Variants in ADAMTS12 observed in about 807,000 individuals in gnomAD.
ADAMTS12 encodes A disintegrin and metalloproteinase with thrombospondin motifs 12.
ADAMTS12 carries 118 observed loss-of-function variants against 167.8 expected under a neutral mutation model. The observed-to-expected ratio is 0.70, with a 90% CI of 0.61 to 0.82. The LOEUF (loss-of-function observed/expected upper bound fraction) is 0.82. Among genes scored for constraint, ADAMTS12 ranks in the 40% least tolerant of loss-of-function variants. ADAMTS12 has a pLI of 0.00. For missense variants in ADAMTS12, 1,916 were observed against 1,998.8 expected (o/e 0.96, Z 0.79); for synonymous variants, 704 against 716.9 (o/e 0.98, Z 0.29).
intron 20 of ADAMTS12, among the ~76,000 whole-genome samples, chr5:33,553,181 G>T (rs1470598614): frequency 6.6e-6 from 1 of 152,206 alleles, no homozygotes. Context: ...TTTCACATCT[G>T]TCAGAGTGGC....
At chr5:33,737,628 C>T (rs1646242542) in intron 3 of ADAMTS12, among the ~76,000 whole-genome samples, 2 of 152,162 alleles carry the variant, frequency 1.3e-5, no homozygotes, top group South Asian at 4.1e-4. Context: ...TTCTATGCTT[C>T]CAAATACCTG....
intron 17 of ADAMTS12, among the ~76,000 whole-genome samples, chr5:33,593,536 A>C (rs1747750766): frequency 6.6e-6 from 1 of 152,216 alleles, no homozygotes; most frequent in Admixed American, 6.5e-5. Context: ...ACAGCTTGGA[A>C]AATAGTGCAT....
Position 33,570,967 on chromosome 5 carries a change from T to C in ADAMTS12, c.3972+5087A>G, listed in dbSNP as rs1579682525. 2.0e-5 allele frequency among the ~76,000 whole-genome samples: 3 copies of C among 151,286 alleles called. No individual in the cohort carries two copies. The East Asian group carries it at 5.8e-4, about 29-fold the overall frequency. Reference sequence around the variant, plus strand: ...AATCCTAGTCTCTGATAAAACAGACTTTAAACCAACAAAGATCAAAAGAGA... The same window carrying C: ...AATCCTAGTCTCTGATAAAACAGACCTTAAACCAACAAAGATCAAAAGAGA... On this transcript the variant is annotated intron_variant, in intron 19 of 23. Transcript: ENST00000504830.
At chr5:33,543,985 G>C (rs548895745) in intron 22 of ADAMTS12, among the ~76,000 whole-genome samples, 9 of 152,156 alleles carry the variant, frequency 5.9e-5, no homozygotes, top group East Asian at 5.8e-4. Flanking sequence ...CACTCCTATT[G>C]AACATAGTTT....
chr5:33,525,446 A>G lies in ADAMTS12; in HGVS notation c.*1742T>C, dbSNP rs1215270018. 6.6e-6 allele frequency: 1 copy of G among 152,222 alleles called. No homozygotes were observed. Among genetic ancestry groups the G allele is most frequent in the Non-Finnish European group, 1.5e-5 (1 of 68,048 alleles). The allele number at this position is 152,222 out of a possible 1,614,324, so 9.4% of individuals were successfully genotyped here. On this transcript the variant is annotated 3_prime_UTR_variant, in exon 24 of 24. Coordinates refer to ENST00000504830, the MANE Select transcript of ADAMTS12 (RefSeq NM_030955.4). ...ACGTTAATGGCTTGGAAAAAAATAA[A>G]AAGCACATAATATTAAATCTTAAAT... is the stretch of plus-strand genomic sequence containing the variant.
chr5:33,847,851 G>A (rs576931238), intron 2 of ADAMTS12, among the ~76,000 whole-genome samples: 1 of 152,232 alleles, frequency 6.6e-6, no homozygotes, highest in Admixed American at 6.5e-5. Flanking sequence ...TGAGGTAGAA[G>A]ACTGTATTCA....
chr5:33,884,115 G>A (rs1750556030), intron 1 of ADAMTS12, among the ~76,000 whole-genome samples: 1 of 152,178 alleles, frequency 6.6e-6, no homozygotes, highest in African/African-American at 2.4e-5. Flanking sequence ...GTGTCCACAT[G>A]CTGACTGGCG....
At chr5:33,567,508 A>C (rs545668591) in intron 19 of ADAMTS12, among the ~76,000 whole-genome samples, 1 of 152,290 alleles carries the variant, frequency 6.6e-6, no homozygotes, top group South Asian at 2.1e-4. Flanking sequence ...TACTGTTTGA[A>C]AGGTACTGGC....
chr5:33,592,841 C>T (rs1192180543), intron 17 of ADAMTS12, among the ~76,000 whole-genome samples: 1 of 152,018 alleles, frequency 6.6e-6, no homozygotes, highest in Non-Finnish European at 1.5e-5. Flanking sequence ...ATGACAGCTC[C>T]CAGTGATGGG....
At chr5:33,859,409 G>A (rs10050853) in intron 2 of ADAMTS12, among the ~76,000 whole-genome samples, 5,493 of 152,300 alleles carry the variant, frequency 0.036, 338 homozygotes, top group African/African-American at 0.13. Flanking sequence ...CAAACTGGGC[G>A]GAGCCCACCG....
chr5:33,764,036 A>G (rs576329535), intron 2 of ADAMTS12, among the ~76,000 whole-genome samples: 2 of 152,170 alleles, frequency 1.3e-5, no homozygotes, highest in Non-Finnish European at 1.5e-5. Context: ...CACAGCATTC[A>G]TTAAGAAACA....
At chr5:33,671,650 C>A (rs1579821109) in intron 5 of ADAMTS12, among the ~76,000 whole-genome samples, 1 of 151,964 alleles carries the variant, frequency 6.6e-6, no homozygotes, top group African/African-American at 2.4e-5. Flanking sequence ...TCAAAGGGAA[C>A]CTGTAGTCTT....
intron 17 of ADAMTS12, among the ~76,000 whole-genome samples, chr5:33,589,491 A>T (rs1747532581): frequency 6.6e-6 from 1 of 152,230 alleles, no homozygotes; most frequent in African/African-American, 2.4e-5. Context: ...GTAGAAAAAG[A>T]ATAAACATAA....
At chr5:33,738,158 A>G (rs1744434627) in intron 3 of ADAMTS12, among the ~76,000 whole-genome samples, 1 of 152,182 alleles carries the variant, frequency 6.6e-6, no homozygotes, top group African/African-American at 2.4e-5. Context: ...AGTGTGTGGG[A>G]TGGGGCTACC....
At chr5:33,807,906 G>A (rs781391483) in intron 2 of ADAMTS12, among the ~76,000 whole-genome samples, 45 of 152,142 alleles carry the variant, frequency 3.0e-4, no homozygotes, top group Non-Finnish European at 5.1e-4. Context: ...AGTAAGTGTG[G>A]GCCTCTCAGG....
chr5:33,839,097 TAAA>T (rs1319492277), intron 2 of ADAMTS12, among the ~76,000 whole-genome samples: 2 of 152,124 alleles, frequency 1.3e-5, no homozygotes, highest in Non-Finnish European at 2.9e-5. Context: ...TTCTGTGATT[TAAA>T]AAAGAGGCAG....
At chr5:33,877,856 A>G (rs1750287068) in intron 2 of ADAMTS12, among the ~76,000 whole-genome samples, 1 of 152,032 alleles carries the variant, frequency 6.6e-6, no homozygotes, top group Non-Finnish European at 1.5e-5. Context: ...ATCACAGACA[A>G]CTCCAAGAGC....
intron 3 of ADAMTS12, among the ~76,000 whole-genome samples, chr5:33,740,304 G>C (rs1415203766): frequency 1.3e-5 from 2 of 152,192 alleles, no homozygotes; most frequent in African/African-American, 2.4e-5. Context: ...TATCATTAAT[G>C]TGTATCAGAT....
chr5:33,733,548 T>C (rs1561241593), intron 3 of ADAMTS12, among the ~76,000 whole-genome samples: 1 of 152,134 alleles, frequency 6.6e-6, no homozygotes, highest in African/African-American at 2.4e-5. Context: ...TACTGATAAC[T>C]AGCTAGTCTG....
Sources: gnomAD v4.1 joint callset for allele counts (sites outside exome capture counted in the v4.1 genomes callset) on GRCh38, gnomAD v4.1.1 for gene constraint, MANE v1.5 for transcripts, NCBI Gene and HGNC (gene_info 2026-07-23, HGNC 2026-07-21) for gene names.